Variants in SLC13A5 observed in about 807,000 individuals in gnomAD.
SLC13A5 encodes the protein solute carrier family 13 member 5.
A neutral mutation model predicts 56.5 loss-of-function variants in SLC13A5; 25 were observed. The ratio of observed to expected loss-of-function variants is 0.44; its 90% CI spans 0.32 to 0.62. The LOEUF (loss-of-function observed/expected upper bound fraction) is 0.62. Ranked by LOEUF, SLC13A5 falls within the 20% of genes least tolerant of loss-of-function variation. SLC13A5 has a pLI of 0.04. For synonymous variants in SLC13A5, 307 were observed against 301.5 expected (o/e 1.02, Z -0.19); for missense variants, 649 against 737.8 (o/e 0.88, Z 1.39).
chr17:6,706,705 C>G lies in SLC13A5; in HGVS notation c.305G>C (p.Arg102Pro). The change falls in exon 3 of 12, where the codon CGC becomes CCC. Residue 102 changes from arginine (R) to proline (P), a missense_variant. Arg to Pro is a moderately radical substitution (Grantham distance 103, BLOSUM62 -2). Transcript: ENST00000433363. ...GGLIVAVAVE[R>P]WNLHKRIALR... Reference sequence around the variant, plus strand: ...GGCGATCCTCTTGTGCAGGTTCCAGCGCTCCACAGCCACGGCCACGATGAG... The same window carrying G: ...GGCGATCCTCTTGTGCAGGTTCCAGGGCTCCACAGCCACGGCCACGATGAG... 1.9e-6 allele frequency: 3 copies of G among 1,613,952 alleles called. No individual in the cohort carries two copies. Among genetic ancestry groups the G allele is most frequent in the Non-Finnish European group, 2.5e-6 (3 of 1,179,968 alleles).
chr17:6,713,279 C>A lies in SLC13A5; in HGVS notation c.55G>T (p.Val19Phe). Reference protein sequence around the residue: ...SKFKSFVILFVTPLLLLPLVI... With the variant: ...SKFKSFVILFFTPLLLLPLVI... ...AGTGGCAGCAGCAGGAGCGGGGTGA[C>A]GAACAAGATCACGAAGGACTTGAAC... Residue 19 changes from valine (V) to phenylalanine (F), a missense_variant, in exon 1 of 12, where the codon GTC (valine) becomes TTC (phenylalanine). Coordinates refer to ENST00000433363, the MANE Select transcript of SLC13A5 (RefSeq NM_177550.5). The surrounding 1 kb of genome is among the most constrained non-coding windows in gnomAD (Gnocchi z 7.3). The A allele has an allele frequency of 6.2e-7, 1 of 1,613,978 alleles. No homozygotes were observed. The highest frequency in any genetic ancestry group is 8.5e-7 in the Non-Finnish European group (1 of 1,179,914).
chr17:6,694,662 T>C (rs894369593), intron 7 of SLC13A5, among the ~76,000 whole-genome samples: 1 of 152,000 alleles, frequency 6.6e-6, no homozygotes, highest in African/African-American at 2.4e-5. Flanking sequence ...TGGCTAGAAA[T>C]CAAGATGCCC....
rs1029669824 is a variant in SLC13A5, at chr17:6,685,848, C to T, written c.*359G>A. On this transcript the variant is annotated 3_prime_UTR_variant, in exon 12 of 12. Transcript: ENST00000433363. This position sits in a 1 kb window ranked among gnomAD's most constrained non-coding sequence, Gnocchi z 4.2. ...CCCATTTAAACTATCTAGGACGAAGCGAGTGAAAACCAGAGCCCTGTGTGG... is the reference window on the plus strand; with the variant it reads ...CCCATTTAAACTATCTAGGACGAAGTGAGTGAAAACCAGAGCCCTGTGTGG... 4.8e-5 allele frequency: 13 copies of T among 272,484 alleles called. No homozygotes were observed. The highest frequency in any genetic ancestry group is 2.2e-4 in the Admixed American group (5 of 22,914). The allele number at this position is 272,484 out of a possible 1,614,324, so 16.9% of individuals were successfully genotyped here. A position where few individuals can be genotyped will look rare whatever the true frequency, so the allele number is the denominator to read the frequency against.
chr17:6,690,282 C>G (rs1275915942), intron 10 of SLC13A5, among the ~76,000 whole-genome samples: 1 of 152,032 alleles, frequency 6.6e-6, no homozygotes, highest in Non-Finnish European at 1.5e-5. Context: ...CAGGAGTCCT[C>G]AGTCATGTGC....
At chr17:6,706,218 A>T (rs1461259653) in intron 3 of SLC13A5, among the ~76,000 whole-genome samples, 2 of 152,146 alleles carry the variant, frequency 1.3e-5, no homozygotes, top group Non-Finnish European at 2.9e-5. Flanking sequence ...TGCAGTGGGA[A>T]TAGATGCTCC....
Position 6,686,086 on chromosome 17 carries a change from GGT to G in SLC13A5, c.*119_*120del. On this transcript the variant is annotated 3_prime_UTR_variant, in exon 12 of 12. Coordinates refer to ENST00000433363, the MANE Select transcript of SLC13A5 (RefSeq NM_177550.5). ...GGTGGCCCATTGGCTGGGTTTTGGT[GGT>G]GTGTGGACATCGTTGGGTCATTTTG... 7.0e-7 allele frequency: 1 copy of G among 1,428,628 alleles called. No homozygotes were observed. Among genetic ancestry groups the G allele is most frequent in the Non-Finnish European group, 9.6e-7 (1 of 1,045,068 alleles). 88.5% of individuals were successfully genotyped at this position (1,428,628 alleles called of 1,614,324 possible). A position where few individuals can be genotyped will look rare whatever the true frequency, so the allele number is the denominator to read the frequency against.
chr17:6,699,658 A>T (rs1221240080), intron 6 of SLC13A5, among the ~76,000 whole-genome samples: 1 of 152,144 alleles, frequency 6.6e-6, no homozygotes, highest in African/African-American at 2.4e-5. Flanking sequence ...TTTAGTAGAG[A>T]TGGGGTTTCA....
In SLC13A5 at chr17:6,695,273, C is replaced by T. The variant is rs150671655; in HGVS notation, c.1055+453G>A. The T allele has an allele frequency of 3.2e-3, 523 of 161,876 alleles. 3 individuals are homozygous for T. Among genetic ancestry groups the T allele is most frequent in the African/African-American group, 0.012 (491 of 41,678 alleles). The allele number at this position is 161,876 out of a possible 1,614,324, so 10.0% of individuals were successfully genotyped here. On this transcript the variant is annotated intron_variant, in intron 7 of 11. Transcript: ENST00000433363. ...AAACCAACAGAGTGCTCTCTGAAACCCAGCTCCCAAAAGAGGAAAAGTCTT... is the reference window on the plus strand; with the variant it reads ...AAACCAACAGAGTGCTCTCTGAAACTCAGCTCCCAAAAGAGGAAAAGTCTT...
chr17:6,684,807 G>C lies in SLC13A5; in HGVS notation c.*1400C>G. On this transcript the variant is annotated 3_prime_UTR_variant, in exon 12 of 12. Transcript: ENST00000433363. The stretch of plus-strand genomic sequence containing the variant: ...CACCCAAGGAACCAGACACATACTC[G>C]GTCCTTGATGGGGTTTCCTGAGGCT... 1 of 152,324 alleles carries C rather than the reference G, an allele frequency of 6.6e-6. No homozygotes were observed. The highest frequency in any genetic ancestry group is 1.9e-4 in the East Asian group (1 of 5,182). 9.4% of individuals were successfully genotyped at this position (152,324 alleles called of 1,614,324 possible).
intron 6 of SLC13A5, 58 bp from the exon 7 acceptor site, chr17:6,695,999 C>A: frequency 3.4e-6 from 5 of 1,483,676 alleles, no homozygotes; most frequent in South Asian, 2.4e-5. Flanking sequence ...AGGTGCTGGT[C>A]AGATGGAGCC....
At chr17:6,695,592 T>C in intron 7 of SLC13A5, 134 bp downstream of exon 7, 2 of 793,412 alleles carry the variant, frequency 2.5e-6, no homozygotes, top group South Asian at 3.3e-5. Flanking sequence ...GGTTTCACCA[T>C]GTTGGCCAGG....
rs1005095780 is a variant in SLC13A5 at position 6,687,400 on chromosome 17, G to C, written c.1575+129C>G. 1 of 1,255,484 alleles carries C rather than the reference G, an allele frequency of 8.0e-7. No individual in the cohort carries two copies. The highest frequency in any genetic ancestry group is 1.5e-5 in the African/African-American group (1 of 66,450). 77.8% of individuals were successfully genotyped at this position (1,255,484 alleles called of 1,614,324 possible). A position where few individuals can be genotyped will look rare whatever the true frequency, so the allele number is the denominator to read the frequency against. ...ATTATAAATGTCAACAATGGCTACA[G>C]GTCTGGATGTTCCGTGGCATTCCCA... is the stretch of plus-strand genomic sequence containing the variant. On this transcript the variant is annotated intron_variant, in intron 11 of 11. Coordinates refer to ENST00000433363, the MANE Select transcript of SLC13A5 (RefSeq NM_177550.5). This position sits in a 1 kb window ranked among gnomAD's most constrained non-coding sequence, Gnocchi z 5.0.
At position 6,685,308 on chromosome 17, in the gene SLC13A5, C is replaced by G. The variant is rs542257250; in HGVS notation, c.*899G>C. The G allele has an allele frequency of 6.6e-6, 1 of 152,236 alleles. No individual in the cohort carries two copies. Among genetic ancestry groups the G allele is most frequent in the African/African-American group, 2.4e-5 (1 of 41,446 alleles). The allele number at this position is 152,236 out of a possible 1,614,324, so 9.4% of individuals were successfully genotyped here. A position where few individuals can be genotyped will look rare whatever the true frequency, so the allele number is the denominator to read the frequency against. On this transcript the variant is annotated 3_prime_UTR_variant, in exon 12 of 12. Transcript: ENST00000433363. The surrounding 1 kb of genome is among the most constrained non-coding windows in gnomAD (Gnocchi z 4.2). ...GTGGCCCCCAGAGCGCCATCACTGC[C>G]CATACTTGGAGTGTGATCCTAGCTA...
Position 6,702,969 on chromosome 17 carries a change from C to T in SLC13A5, c.716+1G>A. Reference sequence around the variant, plus strand: ...CCCAGAAGGTGCGACCAAGGACTCACTCGTTCATCTGGCCCAGGAGCACCA... The same window carrying T: ...CCCAGAAGGTGCGACCAAGGACTCATTCGTTCATCTGGCCCAGGAGCACCA... On this transcript the variant is annotated splice_donor_variant, in intron 5 of 11. Coordinates refer to ENST00000433363, the MANE Select transcript of SLC13A5 (RefSeq NM_177550.5). LOFTEE classifies it high-confidence loss of function. 6.2e-7 allele frequency: 1 copy of T among 1,613,904 alleles called. No individual in the cohort carries two copies. Among genetic ancestry groups the T allele is most frequent in the Non-Finnish European group, 8.5e-7 (1 of 1,179,888 alleles).
chr17:6,686,178 G>C lies in SLC13A5; in HGVS notation c.*29C>G, dbSNP rs370472676. On this transcript the variant is annotated 3_prime_UTR_variant, in exon 12 of 12. Coordinates refer to ENST00000433363, the MANE Select transcript of SLC13A5 (RefSeq NM_177550.5). ...GGTTCGGTAGTCCTGAGGAGGGTAAGGGCTGTGTGTGTGGTCTTGTGGCTC... is the reference window on the plus strand; with the variant it reads ...GGTTCGGTAGTCCTGAGGAGGGTAACGGCTGTGTGTGTGGTCTTGTGGCTC... The C allele has an allele frequency of 3.5e-5, 56 of 1,613,834 alleles. No individual in the cohort carries two copies. The African/African-American group carries it at 6.8e-4, about 20-fold the overall frequency.
chr17:6,706,543 C>G (rs1973867734), intron 3 of SLC13A5, 99 bp downstream of exon 3: 1 of 1,499,900 alleles, frequency 6.7e-7, no homozygotes, highest in South Asian at 1.3e-5. Context: ...CCATGGCCAG[C>G]CCTCACCAGT....
Position 6,706,642 on chromosome 17 carries a change from C to A in SLC13A5, c.368G>T (p.Arg123Leu). 6.2e-7 allele frequency: 1 copy of A among 1,613,110 alleles called. No homozygotes were observed. ...TLLWVGAKPA[R>L]LMLGFMGVTA... ...GGCAAGAGAGAGAAGGCGTAATTACCGTGCAGGCTTGGCCCCCACCCAGAG... is the reference window on the plus strand; with the variant it reads ...GGCAAGAGAGAGAAGGCGTAATTACAGTGCAGGCTTGGCCCCCACCCAGAG... Residue 123 changes from arginine (R) to leucine (L), a missense_variant and splice_region_variant, in exon 3 of 12, where the codon CGG (arginine) becomes CTG (leucine). Physicochemically the swap from Arg to Leu is moderately radical, Grantham distance 102. Coordinates refer to ENST00000433363, the MANE Select transcript of SLC13A5 (RefSeq NM_177550.5).
At chr17:6,697,215 G>A (rs2151488599) in intron 6 of SLC13A5, among the ~76,000 whole-genome samples, 1 of 152,286 alleles carries the variant, frequency 6.6e-6, no homozygotes, top group Middle Eastern at 3.4e-3. Flanking sequence ...GCACCTCTCT[G>A]CTGCCAACTG....
intron 6 of SLC13A5, among the ~76,000 whole-genome samples, chr17:6,697,309 G>A (rs1473483751): frequency 6.6e-6 from 1 of 152,192 alleles, no homozygotes; most frequent in Non-Finnish European, 1.5e-5. Context: ...TGGCCCAGGA[G>A]CCAGAGCCTG....
Sources: gnomAD v4.1 joint callset for allele counts (sites outside exome capture counted in the v4.1 genomes callset) on GRCh38, gnomAD v4.1.1 for gene constraint, Gnocchi (gnomAD v3.1) non-coding constraint, MANE v1.5 for transcripts, NCBI Gene and HGNC (gene_info 2026-07-23, HGNC 2026-07-21) for gene names.